IL34: variants seen among roughly 807,000 people sequenced by gnomAD.
IL34 encodes the protein interleukin 34, also known as interleukin-34.
IL34 carries 17 observed loss-of-function variants against 25.3 expected under a neutral mutation model. The observed-to-expected ratio is 0.67, with a 90% CI of 0.46 to 1.01. IL34 has a LOEUF of 1.01. Among genes scored for constraint, IL34 ranks in the 50% least tolerant of loss-of-function variants. The pLI is 0.00. For synonymous variants in IL34, 174 were observed against 140.9 expected, an observed-to-expected ratio of 1.23 and a Z score of -1.66; for missense variants, 368 against 312.9, an observed-to-expected ratio of 1.18 and a Z score of -1.33.
At chr16:70,634,679 C>T (rs1396573516) in intron 1 of IL34, among the ~76,000 whole-genome samples, 1 of 117,830 alleles carries the variant, frequency 8.5e-6, no homozygotes, top group Non-Finnish European at 1.8e-5. Flanking sequence ...GATTCCGAAT[C>T]AAAAAAAAAA....
At chr16:70,599,842 G>A (rs1376684523) in intron 1 of IL34, among the ~76,000 whole-genome samples, 2 of 151,888 alleles carry the variant, frequency 1.3e-5, no homozygotes, top group Non-Finnish European at 2.9e-5. Context: ...ACCTGGCCAG[G>A]TTTTTAATTT....
chr16:70,619,065 G>C (rs1003149604), intron 1 of IL34, among the ~76,000 whole-genome samples: 2 of 152,208 alleles, frequency 1.3e-5, no homozygotes, highest in Non-Finnish European at 2.9e-5. Flanking sequence ...ATAAGGCATA[G>C]ATCCTGAACT....
intron 1 of IL34, among the ~76,000 whole-genome samples, chr16:70,602,489 T>C (rs1026712537): frequency 2.6e-5 from 4 of 151,914 alleles, no homozygotes; most frequent in African/African-American, 9.7e-5. Flanking sequence ...GCCACGATCA[T>C]GCCACTGCAC....
At chr16:70,654,703 C>A in intron 2 of IL34, 32 bp downstream of exon 2, 1 of 1,572,936 alleles carries the variant, frequency 6.4e-7, no homozygotes, top group South Asian at 1.2e-5. Flanking sequence ...GTGTCCCTGT[C>A]CCCGCGTCCC....
intron 1 of IL34, among the ~76,000 whole-genome samples, chr16:70,589,916 C>T (rs754614929): frequency 1.3e-5 from 2 of 152,220 alleles, no homozygotes; most frequent in Non-Finnish European, 2.9e-5. Flanking sequence ...AGCCACTGCA[C>T]CCGGCCTTAC....
intron 1 of IL34, among the ~76,000 whole-genome samples, chr16:70,653,183 A>C (rs559730968): frequency 3.9e-5 from 6 of 152,178 alleles, no homozygotes; most frequent in African/African-American, 1.4e-4. Flanking sequence ...ACTGTACTCT[A>C]GCCTGGGTGA....
At chr16:70,610,590 A>G (rs1414898741) in intron 1 of IL34, among the ~76,000 whole-genome samples, 1 of 152,194 alleles carries the variant, frequency 6.6e-6, no homozygotes, top group African/African-American at 2.4e-5. Flanking sequence ...AACTGAATGC[A>G]GTTAGGATAA....
intron 1 of IL34, among the ~76,000 whole-genome samples, chr16:70,652,712 CT>C (rs11364449): frequency 0.26 from 39,799 of 152,032 alleles, 8,104 homozygotes; most frequent in African/African-American, 0.55. Flanking sequence ...TTGGTTATAT[CT>C]TTTTTGCTTT....
intron 1 of IL34, among the ~76,000 whole-genome samples, chr16:70,586,908 G>A (rs1388625194): frequency 6.6e-6 from 1 of 152,226 alleles, no homozygotes. Context: ...CGGCCACCTG[G>A]TTTGGTCACC....
At chr16:70,629,297 G>A (rs924115199) in intron 1 of IL34, among the ~76,000 whole-genome samples, 1 of 152,166 alleles carries the variant, frequency 6.6e-6, no homozygotes, top group Non-Finnish European at 1.5e-5. Context: ...GTGATTCTAA[G>A]TTATGCAAAA....
At chr16:70,625,799 T>C (rs2051380068) in intron 1 of IL34, among the ~76,000 whole-genome samples, 2 of 151,780 alleles carry the variant, frequency 1.3e-5, no homozygotes, top group South Asian at 2.1e-4. Flanking sequence ...GACGCCAAGA[T>C]TGAAAGGAGA....
At chr16:70,611,325 G>T (rs528529488) in intron 1 of IL34, among the ~76,000 whole-genome samples, 1 of 152,102 alleles carries the variant, frequency 6.6e-6, no homozygotes, top group African/African-American at 2.4e-5. Context: ...TGCTGTGAAG[G>T]GGGAGGGGCT....
At position 70,657,028 on chromosome 16, in the gene IL34, G is replaced by A. The variant is rs374730889; in HGVS notation, c.309G>A (p.Glu103=). ...LWVLVSLSAT[E]SVQDVLLEGH... is the part of the protein sequence containing the mutation. ...TCTTGGTGAGCCTCAGTGCCACTGA[G>A]TCGGTGCAGGACGTGCTGCTCGAGG... The change falls in exon 4 of 6, where the codon GAG becomes GAA. Residue 103 remains glutamate, a synonymous_variant. Coordinates refer to ENST00000288098, the MANE Select transcript of IL34 (RefSeq NM_001393494.1). The A allele has an allele frequency of 1.9e-6, 3 of 1,612,686 alleles. No individual in the cohort carries two copies. Among genetic ancestry groups the A allele is most frequent in the Non-Finnish European group, 2.5e-6 (3 of 1,180,006 alleles).
chr16:70,653,034 A>C (rs933246782), intron 1 of IL34, among the ~76,000 whole-genome samples: 2 of 152,030 alleles, frequency 1.3e-5, no homozygotes, highest in Non-Finnish European at 2.9e-5. Context: ...GTGAAACCCC[A>C]TCTCTACTAA....
At chr16:70,643,248 G>C (rs529413448), upstream of IL34, among the ~76,000 whole-genome samples, 2 of 152,244 alleles carry the variant, frequency 1.3e-5, no homozygotes, top group Admixed American at 6.5e-5. Flanking sequence ...ATGTTTAGTA[G>C]AGATAGGGTT....
intron 1 of IL34, among the ~76,000 whole-genome samples, chr16:70,613,361 T>C (rs942904192): frequency 6.6e-6 from 1 of 151,994 alleles, no homozygotes; most frequent in African/African-American, 2.4e-5. Context: ...GGACATGGGG[T>C]TGGAGCGGGG....
At chr16:70,625,165 A>G (rs2051364163) in intron 1 of IL34, among the ~76,000 whole-genome samples, 2 of 152,182 alleles carry the variant, frequency 1.3e-5, no homozygotes, top group Admixed American at 1.3e-4. Flanking sequence ...GTTTTAGGTC[A>G]GGTGTGAGTT....
rs183789120 is a variant in IL34, at chr16:70,626,649, G to A, written c.-400-19899G>A. Among the ~76,000 whole-genome samples, 538 of 152,300 alleles carry A rather than the reference G, an allele frequency of 3.5e-3. 5 individuals are homozygous for A. The highest frequency in any genetic ancestry group is 0.024 in the Middle Eastern group (7 of 294). The stretch of plus-strand genomic sequence containing the variant: ...GACCTCAGGTGATCTGCCCACCTCA[G>A]CCTCCCAAAGTGCTGGGATTCCAGG... On this transcript the variant is annotated intron_variant, in intron 1 of 6. Coordinates refer to the IL34 transcript ENST00000429149.
rs1431124568 is a variant in IL34, at chr16:70,660,280, C to T, written c.*93C>T. Reference sequence around the variant, plus strand: ...AGACTTCAAGGGGTGGTGGTGGGAGCCCCCCTTGGGAGAGGACCCCTGGGA... The same window carrying T: ...AGACTTCAAGGGGTGGTGGTGGGAGTCCCCCTTGGGAGAGGACCCCTGGGA... On this transcript the variant is annotated 3_prime_UTR_variant, in exon 6 of 6. Coordinates refer to ENST00000288098, the MANE Select transcript of IL34 (RefSeq NM_001393494.1). 7.2e-6 allele frequency: 9 copies of T among 1,244,128 alleles called. No individual in the cohort carries two copies. The highest frequency in any genetic ancestry group is 2.8e-4 in the Middle Eastern group (1 of 3,558). 77.1% of individuals were successfully genotyped at this position (1,244,128 alleles called of 1,614,324 possible). A position where few individuals can be genotyped will look rare whatever the true frequency, so the allele number is the denominator to read the frequency against.
Sources: gnomAD v4.1 joint callset for allele counts (sites outside exome capture counted in the v4.1 genomes callset) on GRCh38, gnomAD v4.1.1 for gene constraint, MANE v1.5 for transcripts, NCBI Gene and HGNC (gene_info 2026-07-23, HGNC 2026-07-21) for gene names.